The following NDC1 variants were observed in gnomAD, a reference collection of about 807,000 sequenced individuals.
NDC1 encodes NDC1 transmembrane nucleoporin, also known as nucleoporin NDC1.
A neutral mutation model predicts 89.8 loss-of-function variants in NDC1; 24 were observed. The ratio of observed to expected loss-of-function variants is 0.27; its 90% CI spans 0.19 to 0.38. The LOEUF (loss-of-function observed/expected upper bound fraction) is 0.38. NDC1 is among the 10% of genes least tolerant of loss of function. The probability of loss-of-function intolerance (pLI) is 1.00; values close to 1 mark genes in which losing one functional copy is unlikely to be tolerated. For synonymous variants in NDC1, 296 were observed against 284.8 expected (o/e 1.04, Z -0.39); for missense variants, 728 against 797.6 (o/e 0.91, Z 1.05).
chr1:53,832,416 A>T, intron 3 of NDC1, 74 bp downstream of exon 3: 1 of 765,028 alleles, frequency 1.3e-6, no homozygotes, highest in African/African-American at 1.7e-5. Context: ...ACATTCACAT[A>T]TAAAATGTAC....
chr1:53,767,700 G>A lies in NDC1; in HGVS notation c.*270C>T, dbSNP rs987156996. 7.0e-5 allele frequency: 20 copies of A among 285,998 alleles called. No individual in the cohort carries two copies. Among genetic ancestry groups the A allele is most frequent in the South Asian group, 2.8e-4 (2 of 7,106 alleles). 17.7% of individuals were successfully genotyped at this position (285,998 alleles called of 1,614,324 possible). A position where few individuals can be genotyped will look rare whatever the true frequency, so the allele number is the denominator to read the frequency against. ...AAGTTATATGAGCTAGAGACATTTC[G>A]ACTGCCATCAATGCTTCTGTAAAAT... On this transcript the variant is annotated 3_prime_UTR_variant, in exon 18 of 18. Coordinates refer to ENST00000371429, the MANE Select transcript of NDC1 (RefSeq NM_018087.5).
At chr1:53,780,149 C>T (rs775318903) in intron 16 of NDC1, among the ~76,000 whole-genome samples, 11 of 152,072 alleles carry the variant, frequency 7.2e-5, no homozygotes, top group South Asian at 4.1e-4. Flanking sequence ...CGCAGCTCAC[C>T]GCAACCTCTG....
chr1:53,772,262 C>T, intron 17 of NDC1, 67 bp downstream of exon 17: 7 of 1,403,842 alleles, frequency 5.0e-6, no homozygotes, highest in South Asian at 2.5e-5. Flanking sequence ...CTTATCATTC[C>T]CATACCTATT....
chr1:53,802,597 T>C (rs1266510609), intron 10 of NDC1, among the ~76,000 whole-genome samples: 1 of 152,196 alleles, frequency 6.6e-6, no homozygotes, highest in Non-Finnish European at 1.5e-5. Flanking sequence ...GAGGATCATA[T>C]GAGCCCAGCA....
At chr1:53,795,894 T>G (rs1647680613) in intron 13 of NDC1, among the ~76,000 whole-genome samples, 1 of 152,142 alleles carries the variant, frequency 6.6e-6, no homozygotes, top group African/African-American at 2.4e-5. Context: ...ATGAAGCCAG[T>G]CTTTACTACA....
At chr1:53,836,698 G>T (rs1474610714) in intron 1 of NDC1, among the ~76,000 whole-genome samples, 2 of 151,676 alleles carry the variant, frequency 1.3e-5, no homozygotes, top group Admixed American at 1.3e-4. Flanking sequence ...TCGAACTCCT[G>T]ACCCCAAGTG....
chr1:53,829,501 T>C (rs1191461807), intron 3 of NDC1, among the ~76,000 whole-genome samples: 2 of 152,232 alleles, frequency 1.3e-5, no homozygotes, highest in African/African-American at 2.4e-5. Context: ...GGGCAAGTGG[T>C]GCTCCTATAC....
intron 10 of NDC1, among the ~76,000 whole-genome samples, chr1:53,803,231 AATTTTTTGT>A (rs1647980569): frequency 2.0e-5 from 3 of 152,010 alleles, no homozygotes; most frequent in Non-Finnish European, 2.9e-5. Flanking sequence ...ATGCTGGGCT[AATTTTTTGT>A]ATTTTTTGTA....
At chr1:53,818,849 C>A in intron 6 of NDC1, 122 bp downstream of exon 6, 2 of 552,944 alleles carry the variant, frequency 3.6e-6, no homozygotes, top group South Asian at 2.9e-5. Flanking sequence ...AACAATGAAT[C>A]AGTTGAGCTA....
intron 16 of NDC1, among the ~76,000 whole-genome samples, chr1:53,778,266 C>T (rs976552654): frequency 1.2e-4 from 17 of 139,982 alleles, no homozygotes; most frequent in African/African-American, 3.9e-4. Flanking sequence ...TATATACACA[C>T]ACACACACAC....
At chr1:53,835,730 G>T (rs989653634) in intron 1 of NDC1, 110 bp from the exon 2 acceptor site, 1 of 905,360 alleles carries the variant, frequency 1.1e-6, no homozygotes, top group East Asian at 2.5e-5. Context: ...ATCATAATCC[G>T]TAACTCAAAC....
At chr1:53,822,023 T>C (rs1210486637) in intron 5 of NDC1, among the ~76,000 whole-genome samples, 1 of 152,216 alleles carries the variant, frequency 6.6e-6, no homozygotes, top group Non-Finnish European at 1.5e-5. Flanking sequence ...TTTTATTATT[T>C]GTATTTTTTA....
intron 14 of NDC1, among the ~76,000 whole-genome samples, chr1:53,792,980 G>A (rs1647572589): frequency 6.6e-6 from 1 of 152,186 alleles, no homozygotes; most frequent in South Asian, 2.1e-4. Flanking sequence ...TTGCCTATCA[G>A]CACAAAGCTG....
At chr1:53,790,349 G>A (rs1647450819) in intron 14 of NDC1, among the ~76,000 whole-genome samples, 1 of 137,990 alleles carries the variant, frequency 7.2e-6, no homozygotes. Flanking sequence ...TAGGCGACAA[G>A]AGCAAAACTC....
intron 7 of NDC1, 60 bp from the exon 8 acceptor site, chr1:53,807,851 AC>A: frequency 6.8e-7 from 1 of 1,468,450 alleles, no homozygotes; most frequent in Non-Finnish European, 9.2e-7. Flanking sequence ...ATATTAACAC[AC>A]TTAAGTCTCC....
intron 3 of NDC1, among the ~76,000 whole-genome samples, chr1:53,831,367 AT>A (rs980268924): frequency 1.4e-5 from 2 of 146,668 alleles, no homozygotes; most frequent in Non-Finnish European, 3.0e-5. Context: ...CATTTAAAAA[AT>A]TTTTTTTAAG....
chr1:53,796,748 C>G lies in NDC1; in HGVS notation c.1525G>C (p.Gly509Arg), dbSNP rs766015082. 1.2e-6 allele frequency: 2 copies of G among 1,611,942 alleles called. No individual in the cohort carries two copies. Among genetic ancestry groups the G allele is most frequent in the South Asian group, 2.2e-5 (2 of 90,710 alleles). The change falls in exon 13 of 18, where the codon GGT becomes CGT. Residue 509 changes from glycine to arginine, a missense_variant. Coordinates refer to ENST00000371429, the MANE Select transcript of NDC1 (RefSeq NM_018087.5). ...PSPSTSISAE[G>R]KTMRQPSVIY... is the part of the protein sequence containing the mutation. Reference sequence around the variant, plus strand: ...ACACTGGGTTGTCTCATTGTCTTACCCTCAGCACTAATAGAGGTAGATGGA... The same window carrying G: ...ACACTGGGTTGTCTCATTGTCTTACGCTCAGCACTAATAGAGGTAGATGGA...
chr1:53,832,989 G>C (rs1288282178), intron 2 of NDC1, among the ~76,000 whole-genome samples: 1 of 152,092 alleles, frequency 6.6e-6, no homozygotes, highest in East Asian at 1.9e-4. Context: ...TCCAGCCTAG[G>C]CAACAGAGAA....
In NDC1 at chr1:53,787,197, TGTC is replaced by T; in HGVS notation, c.1758_1760del (p.Thr587del). ...ACAAAGTATTAAGGATAGCTGGTAG[TGTC>T]GTCTGGACAACTCCAAATCTATCCT... On this transcript the variant is annotated inframe_deletion, in exon 16 of 18. Transcript: ENST00000371429. 6.2e-7 allele frequency: 1 copy of T among 1,611,262 alleles called. No individual in the cohort carries two copies. The highest frequency in any genetic ancestry group is 8.5e-7 in the Non-Finnish European group (1 of 1,178,852).
Sources: gnomAD v4.1 joint callset for allele counts (sites outside exome capture counted in the v4.1 genomes callset) on GRCh38, gnomAD v4.1.1 for gene constraint, MANE v1.5 for transcripts, NCBI Gene and HGNC (gene_info 2026-07-23, HGNC 2026-07-21) for gene names.